Variants in SDCCAG8 observed in about 807,000 individuals in gnomAD.
SDCCAG8 encodes the protein serologically defined colon cancer antigen 8.
SDCCAG8 carries 74 observed loss-of-function variants against 101.8 expected under a neutral mutation model. The observed-to-expected ratio is 0.73, with a 90% CI of 0.60 to 0.88. SDCCAG8 has a LOEUF of 0.88. Among genes scored for constraint, SDCCAG8 ranks in the 40% least tolerant of loss-of-function variants. The pLI is 0.00. For missense variants in SDCCAG8, 787 were observed against 822.6 expected, an observed-to-expected ratio of 0.96 and a Z score of 0.53; for synonymous variants, 281 against 292.9, an observed-to-expected ratio of 0.96 and a Z score of 0.41.
At chr1:243,264,369 C>T (rs2067420905) in intron 1 of SDCCAG8, among the ~76,000 whole-genome samples, 1 of 152,178 alleles carries the variant, frequency 6.6e-6, no homozygotes, top group Non-Finnish European at 1.5e-5. Context: ...AATCCCAGCA[C>T]TTTGGGAGGC....
intron 16 of SDCCAG8, among the ~76,000 whole-genome samples, chr1:243,443,796 C>T (rs575870114): frequency 6.6e-6 from 1 of 152,242 alleles, no homozygotes; most frequent in South Asian, 2.1e-4. Flanking sequence ...AATCTCTCTC[C>T]TTTTCACATG....
intron 16 of SDCCAG8, among the ~76,000 whole-genome samples, chr1:243,429,770 C>G (rs1233168928): frequency 7.1e-6 from 1 of 141,428 alleles, no homozygotes; most frequent in Non-Finnish European, 1.5e-5. Flanking sequence ...AGCGCGATCT[C>G]GGCTCACTGC....
At chr1:243,307,810 T>C in intron 7 of SDCCAG8, 179 bp from the exon 8 acceptor site, 2 of 1,456,870 alleles carry the variant, frequency 1.4e-6, no homozygotes, top group Non-Finnish European at 1.8e-6. Context: ...AACGTGTCAA[T>C]TAGAATCACC....
intron 13 of SDCCAG8, among the ~76,000 whole-genome samples, chr1:243,405,050 G>A (rs1008493532): frequency 6.6e-6 from 1 of 152,004 alleles, no homozygotes; most frequent in Admixed American, 6.6e-5. Context: ...ATTTTTAGTA[G>A]AGACGGGATT....
chr1:243,283,304 G>T (rs1345092898), intron 4 of SDCCAG8, among the ~76,000 whole-genome samples: 1 of 151,426 alleles, frequency 6.6e-6, no homozygotes, highest in African/African-American at 2.4e-5. Flanking sequence ...CTAGATCTGT[G>T]GTTTGGTGCC....
In SDCCAG8 at chr1:243,365,149, G is replaced by A. The variant is rs553395908; in HGVS notation, c.1474-13572G>A. The stretch of plus-strand genomic sequence containing the variant: ...AGCTTGAGTTCTAGTACAGTTGAGT[G>A]GGCTTAGCGAGTGGTTTAACTTCAC... On this transcript the variant is annotated intron_variant, in intron 12 of 17. Transcript: ENST00000366541. 8.5e-5 allele frequency among the ~76,000 whole-genome samples: 13 copies of A among 152,236 alleles called. No homozygotes were observed. In the South Asian group the frequency reaches 1.7e-3, roughly 19 times the overall value.
At chr1:243,284,566 G>C (rs958119172) in intron 4 of SDCCAG8, among the ~76,000 whole-genome samples, 1 of 152,142 alleles carries the variant, frequency 6.6e-6, no homozygotes, top group Non-Finnish European at 1.5e-5. Context: ...CTTTAAGTTA[G>C]ACGAGATAGC....
At chr1:243,373,081 T>G (rs1462384022) in intron 12 of SDCCAG8, among the ~76,000 whole-genome samples, 1 of 151,974 alleles carries the variant, frequency 6.6e-6, no homozygotes, top group Non-Finnish European at 1.5e-5. Context: ...AAATGCTTCT[T>G]ACATTTATAT....
chr1:243,463,931 G>A (rs921556924), intron 16 of SDCCAG8, among the ~76,000 whole-genome samples: 6 of 152,054 alleles, frequency 3.9e-5, no homozygotes, highest in Admixed American at 2.0e-4. Flanking sequence ...CGGTGTTCCC[G>A]TGAGAGCCAG....
At chr1:243,392,905 A>C (rs2078790532) in intron 13 of SDCCAG8, among the ~76,000 whole-genome samples, 1 of 152,234 alleles carries the variant, frequency 6.6e-6, no homozygotes, top group Non-Finnish European at 1.5e-5. Flanking sequence ...CTTCTTTGGC[A>C]TGCTTTCATA....
intron 10 of SDCCAG8, among the ~76,000 whole-genome samples, chr1:243,335,670 T>C (rs1015120294): frequency 2.0e-5 from 3 of 152,152 alleles, no homozygotes; most frequent in Admixed American, 1.3e-4. Flanking sequence ...AGGGAGTACA[T>C]GTGCAGGTTT....
At chr1:243,391,744 C>G (rs1320086143) in intron 13 of SDCCAG8, among the ~76,000 whole-genome samples, 2 of 152,176 alleles carry the variant, frequency 1.3e-5, no homozygotes, top group Non-Finnish European at 2.9e-5. Flanking sequence ...AGAATGAACC[C>G]AGTGTTGAGG....
chr1:243,424,836 C>T (rs2081236682), intron 15 of SDCCAG8, among the ~76,000 whole-genome samples: 1 of 151,414 alleles, frequency 6.6e-6, no homozygotes, highest in Non-Finnish European at 1.5e-5. Context: ...TGTGATTTTT[C>T]TTTTTAAAAG....
intron 12 of SDCCAG8, among the ~76,000 whole-genome samples, chr1:243,356,423 G>GGT (rs1182087634): frequency 9.3e-5 from 14 of 150,740 alleles, no homozygotes; most frequent in African/African-American, 3.4e-4. Context: ...GTAGTGGCGG[G>GGT]GGGGTGGTGG....
At chr1:243,282,754 C>T (rs764706601) in intron 4 of SDCCAG8, among the ~76,000 whole-genome samples, 5 of 152,262 alleles carry the variant, frequency 3.3e-5, no homozygotes, top group South Asian at 2.1e-4. Context: ...TTCCTGTTTG[C>T]ACGGCTTCTG....
chr1:243,297,175 A>G lies in SDCCAG8; in HGVS notation c.675+3956A>G, dbSNP rs958552083. ...TTGAGTTCTGTTTTTTCAATGTTAT[A>G]TAAGTGGAATTGTATAGTATGTATT... is the stretch of plus-strand genomic sequence containing the variant. On this transcript the variant is annotated intron_variant, in intron 6 of 17. Transcript: ENST00000366541. Among the ~76,000 whole-genome samples the G allele has an allele frequency of 3.3e-4, 51 of 152,302 alleles. 2 individuals are homozygous for G. Among genetic ancestry groups the G allele is most frequent in the Middle Eastern group, 3.4e-3 (1 of 294 alleles).
At chr1:243,456,375 G>A (rs551815742) in intron 16 of SDCCAG8, among the ~76,000 whole-genome samples, 2 of 152,262 alleles carry the variant, frequency 1.3e-5, no homozygotes, top group African/African-American at 4.8e-5. Context: ...GCTAAATGAC[G>A]TGGGACACTT....
At chr1:243,351,742 T>C (rs2076091096) in intron 12 of SDCCAG8, among the ~76,000 whole-genome samples, 1 of 152,258 alleles carries the variant, frequency 6.6e-6, no homozygotes, top group South Asian at 2.1e-4. Context: ...TATTGGATTA[T>C]ACAAATAATT....
intron 15 of SDCCAG8, among the ~76,000 whole-genome samples, chr1:243,425,721 G>A (rs943515543): frequency 1.3e-5 from 2 of 152,112 alleles, no homozygotes; most frequent in African/African-American, 4.8e-5. Flanking sequence ...ACATCTTTCT[G>A]ATCTTCAAAT....
Sources: allele counts gnomAD v4.1 joint callset (sites outside exome capture counted in the v4.1 genomes callset), GRCh38; gene constraint gnomAD v4.1.1; transcripts MANE v1.5; gene names NCBI Gene and HGNC (gene_info 2026-07-23, HGNC 2026-07-21).